ASF1A: variants seen among roughly 807,000 people sequenced by gnomAD.
The protein encoded by ASF1A is histone chaperone ASF1A.
ASF1A carries 5 observed loss-of-function variants against 22.0 expected under a neutral mutation model. The ratio of observed to expected loss-of-function variants is 0.23; its 90% CI spans 0.12 to 0.48. ASF1A has a LOEUF of 0.48. Ranked by LOEUF, ASF1A falls within the 20% of genes least tolerant of loss-of-function variation. The pLI is 0.99. For missense variants in ASF1A, 137 were observed against 240.6 expected, an observed-to-expected ratio of 0.57 and a Z score of 2.85; for synonymous variants, 97 against 86.7, an observed-to-expected ratio of 1.12 and a Z score of -0.66.
At chr6:118,904,105 A>T (rs1462107889) in intron 2 of ASF1A, among the ~76,000 whole-genome samples, 1 of 152,160 alleles carries the variant, frequency 6.6e-6, no homozygotes, top group African/African-American at 2.4e-5. Context: ...GAGAAAGAAC[A>T]TATCTGTGTT....
intron 2 of ASF1A, chr6:118,901,133 T>C (rs949653723): frequency 6.0e-6 from 2 of 334,182 alleles, no homozygotes; most frequent in Non-Finnish European, 5.5e-6. Context: ...CAGTAAATTT[T>C]ATACTGTATC....
chr6:118,901,215 T>C (rs1779780312), intron 2 of ASF1A, among the ~76,000 whole-genome samples: 1 of 152,240 alleles, frequency 6.6e-6, no homozygotes, highest in Admixed American at 6.5e-5. Flanking sequence ...CCAAGGTGGC[T>C]GTCTAGCAAC....
At chr6:118,904,945 C>G (rs996250039) in intron 2 of ASF1A, among the ~76,000 whole-genome samples, 6 of 152,198 alleles carry the variant, frequency 3.9e-5, no homozygotes, top group African/African-American at 1.2e-4. Context: ...TCAAGTGATT[C>G]TCCTGCCTCA....
At chr6:118,899,621 G>A (rs927570111) in intron 1 of ASF1A, among the ~76,000 whole-genome samples, 2 of 152,170 alleles carry the variant, frequency 1.3e-5, no homozygotes, top group Admixed American at 6.5e-5. Flanking sequence ...TAGGTCCTCA[G>A]AAAATGATTG....
chr6:118,902,538 T>TG (rs1483884206), intron 2 of ASF1A, among the ~76,000 whole-genome samples: 7 of 151,426 alleles, frequency 4.6e-5, no homozygotes, highest in East Asian at 3.9e-4. Context: ...CTTTTTTTTT[T>TG]TTTTTTTTGG....
intron 1 of ASF1A, among the ~76,000 whole-genome samples, chr6:118,899,338 TC>T (rs1252855829): frequency 1.3e-5 from 2 of 152,322 alleles, no homozygotes; most frequent in East Asian, 1.9e-4. Context: ...ATCTGGCTGT[TC>T]CCCTCATCCT....
At chr6:118,903,744 T>G (rs1779971626) in intron 2 of ASF1A, among the ~76,000 whole-genome samples, 1 of 152,080 alleles carries the variant, frequency 6.6e-6, no homozygotes, top group African/African-American at 2.4e-5. Context: ...GGGGGTGAAG[T>G]ATTTCTTTTT....
At chr6:118,905,863 A>C (rs1780145097) in intron 3 of ASF1A, 35 bp downstream of exon 3, 3 of 1,476,862 alleles carry the variant, frequency 2.0e-6, no homozygotes, top group African/African-American at 1.4e-5. Flanking sequence ...AACTACTTTT[A>C]CTATGCAATT....
chr6:118,901,943 G>A (rs1779820732), intron 2 of ASF1A, among the ~76,000 whole-genome samples: 1 of 152,112 alleles, frequency 6.6e-6, no homozygotes. Flanking sequence ...TTAGACACAT[G>A]CCATCTCTAG....
intron 2 of ASF1A, 199 bp downstream of exon 2, chr6:118,901,080 G>C (rs1779771331): frequency 2.0e-6 from 1 of 503,150 alleles, no homozygotes; most frequent in Non-Finnish European, 3.6e-6. Context: ...TATATGCTGA[G>C]AGATGTTAAT....
intron 2 of ASF1A, among the ~76,000 whole-genome samples, chr6:118,903,488 G>GA (rs1779944990): frequency 6.6e-6 from 1 of 151,750 alleles, no homozygotes; most frequent in African/African-American, 2.4e-5. Flanking sequence ...CCTGGATAAA[G>GA]CATAGCATCT....
chr6:118,907,320 A>G, intron 3 of ASF1A, 82 bp from the exon 4 acceptor site: 5 of 991,006 alleles, frequency 5.0e-6, no homozygotes, highest in Non-Finnish European at 7.6e-6. Flanking sequence ...ACTAACATGA[A>G]CCATTTTATT....
chr6:118,896,042 T>TG (rs1491511945), intron 1 of ASF1A, among the ~76,000 whole-genome samples: 1 of 73,374 alleles, frequency 1.4e-5, no homozygotes, highest in Non-Finnish European at 2.8e-5. Context: ...TGTGCCCCCG[T>TG]TTTTTTTTTT....
At position 118,907,672 on chromosome 6, in the gene ASF1A, C is replaced by A; in HGVS notation, c.*58C>A. 7.3e-7 allele frequency: 1 copy of A among 1,376,550 alleles called. No individual in the cohort carries two copies. The highest frequency in any genetic ancestry group is 1.2e-5 in the South Asian group (1 of 81,240). The allele number at this position is 1,376,550 out of a possible 1,614,324, so 85.3% of individuals were successfully genotyped here. A position where few individuals can be genotyped will look rare whatever the true frequency, so the allele number is the denominator to read the frequency against. On this transcript the variant is annotated 3_prime_UTR_variant, in exon 4 of 4. Coordinates refer to ENST00000229595, the MANE Select transcript of ASF1A (RefSeq NM_014034.3). ...ATTAAAAATACACAGAACTATTTCC[C>A]TGAAATTCCGTAAGTACATAGTCAA...
intron 1 of ASF1A, among the ~76,000 whole-genome samples, 182 bp downstream of exon 1, chr6:118,894,704 G>A (rs1413950340): frequency 6.6e-6 from 1 of 152,244 alleles, no homozygotes; most frequent in African/African-American, 2.4e-5. Context: ...TTCCGCCGCA[G>A]CCCAGGCGCC....
chr6:118,904,135 A>G (rs915056649), intron 2 of ASF1A, among the ~76,000 whole-genome samples: 2 of 152,220 alleles, frequency 1.3e-5, no homozygotes, highest in African/African-American at 4.8e-5. Context: ...AGCAGTGCAA[A>G]TGATAGGCTA....
At chr6:118,903,659 A>C (rs982845273) in intron 2 of ASF1A, among the ~76,000 whole-genome samples, 10 of 152,242 alleles carry the variant, frequency 6.6e-5, no homozygotes, top group African/African-American at 2.2e-4. Flanking sequence ...AGCTCCAAAA[A>C]AGATTAAAAG....
At chr6:118,897,826 TAA>T (rs748981039) in intron 1 of ASF1A, among the ~76,000 whole-genome samples, 1 of 145,364 alleles carries the variant, frequency 6.9e-6, no homozygotes. Flanking sequence ...AAAGCTGGGT[TAA>T]AAAAAAAAAC....
At chr6:118,894,564 T>C in intron 1 of ASF1A, 42 bp downstream of exon 1, 1 of 1,475,020 alleles carries the variant, frequency 6.8e-7, no homozygotes, top group Non-Finnish European at 9.2e-7. Flanking sequence ...AGTTGCGGGC[T>C]GCAGACGTTG....
Sources: gnomAD v4.1 joint callset for allele counts (sites outside exome capture counted in the v4.1 genomes callset) on GRCh38, gnomAD v4.1.1 for gene constraint, MANE v1.5 for transcripts, NCBI Gene and HGNC (gene_info 2026-07-23, HGNC 2026-07-21) for gene names.